DAB2IP: variants seen among roughly 807,000 people sequenced by gnomAD.
DAB2IP encodes DAB2 interacting protein.
Under a neutral mutation model 107.2 loss-of-function variants are expected in DAB2IP, and 28 were observed. That is an observed-to-expected ratio of 0.26 (90% CI 0.19 to 0.36). The LOEUF is 0.36. DAB2IP is among the 10% of genes least tolerant of loss of function. The pLI is 1.00. For synonymous variants in DAB2IP, 755 were observed against 706.4 expected (o/e 1.07, Z -1.09); for missense variants, 1,400 against 1,644.7 (o/e 0.85, Z 2.57).
At chr9:121,673,999 G>A (rs994549076) in intron 1 of DAB2IP, among the ~76,000 whole-genome samples, 1 of 152,236 alleles carries the variant, frequency 6.6e-6, no homozygotes, top group African/African-American at 2.4e-5. Context: ...GTTTAATAGA[G>A]GGGCTGCTTA....
At chr9:121,680,703 C>G (rs1828539701) in intron 2 of DAB2IP, among the ~76,000 whole-genome samples, 1 of 151,702 alleles carries the variant, frequency 6.6e-6, no homozygotes, top group South Asian at 2.1e-4. Context: ...GTGCCAGGCA[C>G]TGGGCTCACT....
intron 1 of DAB2IP, among the ~76,000 whole-genome samples, chr9:121,582,233 A>G (rs1830212862): frequency 6.6e-6 from 1 of 152,078 alleles, no homozygotes; most frequent in Non-Finnish European, 1.5e-5. Flanking sequence ...GCTGGGGGAG[A>G]GCAAGCTTTG....
At chr9:121,673,078 T>C (rs376095020) in intron 1 of DAB2IP, among the ~76,000 whole-genome samples, 1 of 152,206 alleles carries the variant, frequency 6.6e-6, no homozygotes, top group South Asian at 2.1e-4. Flanking sequence ...TGTTTTTACT[T>C]GGTTCCAAGG....
In DAB2IP at chr9:121,701,108, G is replaced by T. The variant is rs1031219315; in HGVS notation, c.362+1650G>T. Among the ~76,000 whole-genome samples the T allele has an allele frequency of 1.3e-5, 2 of 152,240 alleles. No homozygotes were observed. Among genetic ancestry groups the T allele is most frequent in the African/African-American group, 4.8e-5 (2 of 41,462 alleles). On this transcript the variant is annotated intron_variant, in intron 3 of 15. Coordinates refer to ENST00000408936, the Ensembl canonical transcript of DAB2IP. This position sits in a 1 kb window ranked among gnomAD's most constrained non-coding sequence, Gnocchi z 4.7. ...GGACCCTCTGCACCCGCATGCGGGGGCTTGTGTACGTACCCCGTTTTGTGT... is the reference window on the plus strand; with the variant it reads ...GGACCCTCTGCACCCGCATGCGGGGTCTTGTGTACGTACCCCGTTTTGTGT...
Position 121,782,606 on chromosome 9 carries a change from C to G in DAB2IP, c.*108C>G, listed in dbSNP as rs1835743182. ...ACGGTTGCAGCCCCAGCGCGGGTGT[C>G]AGGAGGCCGAGCCTCCCCTCCCTGC... is the stretch of plus-strand genomic sequence containing the variant. On this transcript the variant is annotated 3_prime_UTR_variant, in exon 16 of 16. Coordinates refer to ENST00000408936, the Ensembl canonical transcript of DAB2IP. This position sits in a 1 kb window ranked among gnomAD's most constrained non-coding sequence, Gnocchi z 6.1. 1 of 1,524,156 alleles carries G rather than the reference C, an allele frequency of 6.6e-7. No homozygotes were observed. The highest frequency in any genetic ancestry group is 1.3e-5 in the South Asian group (1 of 78,154). 94.4% of individuals were successfully genotyped at this position (1,524,156 alleles called of 1,614,324 possible).
At chr9:121,644,127 C>T (rs962058826) in intron 1 of DAB2IP, among the ~76,000 whole-genome samples, 13 of 151,332 alleles carry the variant, frequency 8.6e-5, no homozygotes, top group African/African-American at 3.2e-4. Context: ...GCTATAATCC[C>T]ACCACTGCAT....
rs756099797 is a variant in DAB2IP at position 121,760,795 on chromosome 9, C to T, written c.1170+356C>T. Among the ~76,000 whole-genome samples, 16 of 152,172 alleles carry T rather than the reference C, an allele frequency of 1.1e-4. No individual in the cohort carries two copies. The highest frequency in any genetic ancestry group is 2.1e-4 in the South Asian group (1 of 4,834). On this transcript the variant is annotated intron_variant, in intron 6 of 15. Transcript: ENST00000408936. The surrounding 1 kb of genome is among the most constrained non-coding windows in gnomAD (Gnocchi z 5.9). ...CTCTCCCAGCACACAGGTCCCACAA[C>T]GCCACCAGCCGCAGTGAGCCAAACA...
chr9:121,594,201 C>G (rs1259416054), intron 1 of DAB2IP, among the ~76,000 whole-genome samples: 1 of 150,930 alleles, frequency 6.6e-6, no homozygotes, highest in Non-Finnish European at 1.5e-5. Context: ...GGTCACACAG[C>G]TGGCAAGTGG....
At chr9:121,758,901 A>T in exon 5 of DAB2IP, 1 of 1,613,036 alleles carries the variant, frequency 6.2e-7, no homozygotes, top group Non-Finnish European at 8.5e-7. Context: ...CCCACAGGTG[A>T]CGACGTCATC....
intron 1 of DAB2IP, among the ~76,000 whole-genome samples, chr9:121,582,204 C>T (rs1005811677): frequency 2.0e-5 from 3 of 152,150 alleles, no homozygotes; most frequent in African/African-American, 7.2e-5. Flanking sequence ...TCAGCGGGCC[C>T]AGAAATCAAA....
At chr9:121,623,989 C>G (rs561389914) in intron 1 of DAB2IP, among the ~76,000 whole-genome samples, 1 of 152,354 alleles carries the variant, frequency 6.6e-6, no homozygotes, top group South Asian at 2.1e-4. Flanking sequence ...ATGAGAGAAA[C>G]CATCCATTTG....
At chr9:121,696,151 G>C (rs1028947546) in intron 2 of DAB2IP, among the ~76,000 whole-genome samples, 1 of 152,188 alleles carries the variant, frequency 6.6e-6, no homozygotes, top group Non-Finnish European at 1.5e-5. Context: ...TTACAGGCGT[G>C]AGCCACCATG....
intron 1 of DAB2IP, among the ~76,000 whole-genome samples, chr9:121,579,583 A>G (rs986508306): frequency 2.0e-5 from 3 of 151,608 alleles, no homozygotes; most frequent in Non-Finnish European, 4.4e-5. Context: ...CACCCAGACC[A>G]GGGGACCTCC....
At chr9:121,756,314 G>C (rs1048678133) in intron 3 of DAB2IP, among the ~76,000 whole-genome samples, 1 of 152,224 alleles carries the variant, frequency 6.6e-6, no homozygotes, top group Admixed American at 6.5e-5. Context: ...TGGGTGCCGG[G>C]TGGCATCAGC....
intron 2 of DAB2IP, among the ~76,000 whole-genome samples, chr9:121,697,464 G>A (rs1309508811): frequency 6.6e-6 from 1 of 152,214 alleles, no homozygotes; most frequent in Non-Finnish European, 1.5e-5. Context: ...GTTTGGGAGA[G>A]CTCAGAGCTC....
chr9:121,618,421 C>G (rs1474813147), intron 1 of DAB2IP, among the ~76,000 whole-genome samples: 1 of 151,922 alleles, frequency 6.6e-6, no homozygotes, highest in East Asian at 1.9e-4. Flanking sequence ...AGTGCAGTGG[C>G]ACAACCTCGG....
chr9:121,625,984 T>TTTGGCATTTGCCAAA (rs1831631892), intron 1 of DAB2IP, among the ~76,000 whole-genome samples: 6 of 152,152 alleles, frequency 3.9e-5, no homozygotes, highest in Admixed American at 2.6e-4. Context: ...CTGGCTCACA[T>TTTGGCATTTGCCAAA]TGGCATTTGC....
chr9:121,596,551 A>C (rs1004740987), intron 1 of DAB2IP, among the ~76,000 whole-genome samples: 11 of 152,260 alleles, frequency 7.2e-5, no homozygotes, highest in African/African-American at 2.6e-4. Flanking sequence ...TATTATAGAA[A>C]TTTGATGTTC....
At chr9:121,694,422 C>T (rs939293256) in intron 2 of DAB2IP, among the ~76,000 whole-genome samples, 3 of 152,130 alleles carry the variant, frequency 2.0e-5, no homozygotes, top group Non-Finnish European at 4.4e-5. Context: ...GGGAGTGATT[C>T]GTCAGAACAG....
Sources: gnomAD v4.1 joint callset for allele counts (sites outside exome capture counted in the v4.1 genomes callset) on GRCh38, gnomAD v4.1.1 for gene constraint, Gnocchi (gnomAD v3.1) non-coding constraint, MANE v1.5 for transcripts, NCBI Gene and HGNC (gene_info 2026-07-23, HGNC 2026-07-21) for gene names.